Variants in EIF4G3 observed in about 807,000 individuals in gnomAD.
The protein encoded by EIF4G3 is eukaryotic translation initiation factor 4 gamma 3.
In EIF4G3, 34 loss-of-function variants were observed where a neutral mutation model predicts 186.4. The ratio of observed to expected loss-of-function variants is 0.18; its 90% CI spans 0.14 to 0.24. The LOEUF is 0.24. Ranked by LOEUF, EIF4G3 falls within the 10% of genes least tolerant of loss-of-function variation. The pLI, the probability that EIF4G3 is intolerant of heterozygous loss-of-function variation, is 1.00. For synonymous variants in EIF4G3, 673 were observed against 679.5 expected (o/e 0.99, Z 0.15); for missense variants, 1,536 against 1,948.5 (o/e 0.79, Z 3.99).
At chr1:21,121,774 C>CAA (rs35864256) in intron 2 of EIF4G3, among the ~76,000 whole-genome samples, 20 of 85,714 alleles carry the variant, frequency 2.3e-4, no homozygotes, top group Admixed American at 3.9e-4. Context: ...GACTCCGTCT[C>CAA]AAAAAAAAAA....
At chr1:20,867,085 G>A (rs2077721576) in intron 20 of EIF4G3, among the ~76,000 whole-genome samples, 1 of 152,164 alleles carries the variant, frequency 6.6e-6, no homozygotes, top group Admixed American at 6.5e-5. Context: ...GCTGGGTTAA[G>A]TATCAAAAGT....
chr1:21,064,295 A>G (rs990464798), intron 3 of EIF4G3, among the ~76,000 whole-genome samples: 1 of 152,116 alleles, frequency 6.6e-6, no homozygotes, highest in Non-Finnish European at 1.5e-5. Context: ...GATTCTTATC[A>G]TCTGTTTGCG....
At chr1:20,991,916 A>G (rs987970174) in intron 7 of EIF4G3, among the ~76,000 whole-genome samples, 3 of 152,228 alleles carry the variant, frequency 2.0e-5, no homozygotes, top group South Asian at 2.1e-4. Context: ...TGTGATAGGC[A>G]GGTACTTTAT....
At chr1:20,895,308 C>G in intron 17 of EIF4G3, 60 bp downstream of exon 17, 1 of 1,556,102 alleles carries the variant, frequency 6.4e-7, no homozygotes. Flanking sequence ...CATATTTGCT[C>G]TTATAGTTAA....
intron 2 of EIF4G3, among the ~76,000 whole-genome samples, chr1:21,166,888 C>G (rs2097864180): frequency 6.6e-6 from 1 of 151,882 alleles, no homozygotes; most frequent in South Asian, 2.1e-4. Flanking sequence ...CTCAAGCAAT[C>G]CTCCCACCTT....
At position 21,040,696 on chromosome 1, in the gene EIF4G3, T is replaced by A. The variant is rs541913653; in HGVS notation, c.-67+10170A>T. 2.0e-5 allele frequency among the ~76,000 whole-genome samples: 3 copies of A among 152,364 alleles called. No individual in the cohort carries two copies. In the South Asian group the frequency reaches 6.2e-4, roughly 32 times the overall value. ...TTGAGATAATTTAACTGTGTTGTTA[T>A]TACAGTTCTGTTAAAGCGAACTAAA... is the stretch of plus-strand genomic sequence containing the variant. On this transcript the variant is annotated intron_variant, in intron 4 of 36. Transcript: ENST00000602326.
chr1:20,813,875 T>C (rs1476858783), intron 34 of EIF4G3, among the ~76,000 whole-genome samples: 1 of 148,804 alleles, frequency 6.7e-6, no homozygotes, highest in Non-Finnish European at 1.5e-5. Context: ...CAAAAAAAGA[T>C]ACCCTTGCGT....
chr1:20,825,725 C>T (rs2063446402), intron 32 of EIF4G3, among the ~76,000 whole-genome samples: 1 of 152,196 alleles, frequency 6.6e-6, no homozygotes, highest in African/African-American at 2.4e-5. Flanking sequence ...TAAAGCCATT[C>T]AAGAAGCCTC....
At chr1:21,142,957 A>G (rs560392207) in intron 2 of EIF4G3, among the ~76,000 whole-genome samples, 1 of 152,192 alleles carries the variant, frequency 6.6e-6, no homozygotes, top group East Asian at 1.9e-4. Flanking sequence ...TACATTAAAA[A>G]GAAAAAATAG....
intron 4 of EIF4G3, among the ~76,000 whole-genome samples, chr1:21,010,440 A>AAAAGAAAAAG (rs1414887717): frequency 6.9e-6 from 1 of 144,108 alleles, no homozygotes; most frequent in African/African-American, 2.5e-5. Context: ...AAAAAAAAGA[A>AAAAGAAAAAG]AAAGAAAAAG....
chr1:20,820,456 T>C (rs1391344972), intron 33 of EIF4G3, among the ~76,000 whole-genome samples: 2 of 152,150 alleles, frequency 1.3e-5, no homozygotes, highest in African/African-American at 4.8e-5. Context: ...GGAGTGGGGT[T>C]GGGACCAAGC....
intron 12 of EIF4G3, among the ~76,000 whole-genome samples, chr1:20,955,181 C>G (rs1164175319): frequency 1.3e-5 from 2 of 151,992 alleles, no homozygotes; most frequent in Non-Finnish European, 1.5e-5. Flanking sequence ...CAATGGCAAG[C>G]CAGGGCCAGG....
chr1:21,174,953 G>A (rs1228879233), intron 2 of EIF4G3, among the ~76,000 whole-genome samples: 1 of 152,186 alleles, frequency 6.6e-6, no homozygotes, highest in Admixed American at 6.6e-5. Context: ...CTAGAAGGGA[G>A]ATTGCTTTCC....
chr1:20,815,490 A>G (rs1416102663), intron 34 of EIF4G3, among the ~76,000 whole-genome samples: 1 of 151,508 alleles, frequency 6.6e-6, no homozygotes, highest in Non-Finnish European at 1.5e-5. Context: ...CTGGGAGGTG[A>G]GGAGCGTCTC....
Position 20,968,347 on chromosome 1 carries a change from T to G in EIF4G3, c.714+1127A>C, listed in dbSNP as rs917470046. Among the ~76,000 whole-genome samples the G allele has an allele frequency of 3.9e-5, 6 of 152,060 alleles. No homozygotes were observed. In the East Asian group the frequency reaches 1.2e-3, roughly 29 times the overall value. On this transcript the variant is annotated intron_variant, in intron 12 of 36. Transcript: ENST00000602326. ...GGCATGTGCGACCACGCCCAGCTAATTTTTGTATTTTTAGTACAGATGGGG... is the reference window on the plus strand; with the variant it reads ...GGCATGTGCGACCACGCCCAGCTAAGTTTTGTATTTTTAGTACAGATGGGG...
chr1:20,863,274 TG>T (rs2076751115), intron 22 of EIF4G3, among the ~76,000 whole-genome samples: 1 of 151,736 alleles, frequency 6.6e-6, no homozygotes. Context: ...GACTGATACC[TG>T]TAATCCTAGC....
At chr1:21,106,846 T>C (rs953578622) in intron 2 of EIF4G3, among the ~76,000 whole-genome samples, 4 of 152,170 alleles carry the variant, frequency 2.6e-5, no homozygotes, top group African/African-American at 7.2e-5. Context: ...CAACAGATGT[T>C]ACGGTAGCCA....
chr1:21,132,839 G>A (rs2102529987), intron 2 of EIF4G3, among the ~76,000 whole-genome samples: 1 of 152,190 alleles, frequency 6.6e-6, no homozygotes, highest in East Asian at 1.9e-4. Flanking sequence ...CTGGAGTACA[G>A]TGGCATGATC....
At chr1:21,101,587 A>T (rs1293578002) in intron 2 of EIF4G3, among the ~76,000 whole-genome samples, 3 of 142,510 alleles carry the variant, frequency 2.1e-5, no homozygotes, top group Admixed American at 7.1e-5. Flanking sequence ...AACAAAAAAA[A>T]ACCGAGGGAG....
Sources: gnomAD v4.1 joint callset for allele counts (sites outside exome capture counted in the v4.1 genomes callset) on GRCh38, gnomAD v4.1.1 for gene constraint, MANE v1.5 for transcripts, NCBI Gene and HGNC (gene_info 2026-07-23, HGNC 2026-07-21) for gene names.